The following SVOP variants were observed in gnomAD, a reference collection of about 807,000 sequenced individuals.
SVOP encodes synaptic vesicle 2-related protein.
Under a neutral mutation model 69.1 loss-of-function variants are expected in SVOP, and 17 were observed. That is an observed-to-expected ratio of 0.25 (90% CI 0.17 to 0.37). The LOEUF (loss-of-function observed/expected upper bound fraction) is 0.37, where lower values mean the gene tolerates loss of function less well. Among genes scored for constraint, SVOP ranks in the 10% least tolerant of loss-of-function variants. SVOP has a pLI of 1.00. For missense variants in SVOP, 435 were observed against 597.5 expected (o/e 0.73, Z 2.84); for synonymous variants, 238 against 238.6 (o/e 1.00, Z 0.02).
chr12:109,005,479 A>G (rs917959880), intron 1 of SVOP, among the ~76,000 whole-genome samples: 3 of 152,176 alleles, frequency 2.0e-5, no homozygotes, highest in East Asian at 1.9e-4. Flanking sequence ...CTGGGGTCCA[A>G]TGGAGGATGA....
chr12:108,993,810 T>A (rs2040216513), intron 1 of SVOP, among the ~76,000 whole-genome samples: 1 of 151,436 alleles, frequency 6.6e-6, no homozygotes, highest in Non-Finnish European at 1.5e-5. Flanking sequence ...ACGTGAAGAG[T>A]CCCCTAAGGT....
At chr12:108,922,965 C>G (rs1319784194) in intron 11 of SVOP, among the ~76,000 whole-genome samples, 168 bp from the exon 12 acceptor site, 1 of 152,228 alleles carries the variant, frequency 6.6e-6, no homozygotes. Context: ...CGCAGTGCTC[C>G]AGCTTCATCT....
intron 6 of SVOP, 67 bp downstream of exon 6, chr12:108,960,856 T>C (rs36181716): frequency 0.83 from 1,256,537 of 1,511,568 alleles, 523,908 homozygotes; most frequent in East Asian, 0.96. Flanking sequence ...TAACTCCTGA[T>C]CCAGACCATG....
At chr12:108,938,051 C>T (rs781616015) in intron 9 of SVOP, among the ~76,000 whole-genome samples, 2 of 152,168 alleles carry the variant, frequency 1.3e-5, no homozygotes, top group Non-Finnish European at 2.9e-5. Flanking sequence ...CTGCTCTGCC[C>T]CTGTAGATTT....
intron 6 of SVOP, among the ~76,000 whole-genome samples, chr12:108,946,084 A>G (rs141614522): frequency 0.028 from 4,196 of 152,128 alleles, 82 homozygotes; most frequent in Non-Finnish European, 0.042. Context: ...GATGGTAACA[A>G]ATGGTTGTTT....
Position 108,922,737 on chromosome 12 carries a change from T to C in SVOP, c.1109A>G (p.Glu370Gly). ...CCACAGCAAGTCCATGTAATCCTCC[T>C]CACTCAGGTACTCGCAGGCCAGGCT... is the stretch of plus-strand genomic sequence containing the variant. ...KCSLACEYLS[E>G]EDYMDLLWTT... The change falls in exon 12 of 16, where the codon GAG (glutamate) becomes GGG (glycine). Residue 370 changes from glutamate (E) to glycine (G), a missense_variant. Physicochemically the swap from Glu to Gly is moderately conservative, Grantham distance 98. Coordinates refer to ENST00000610966, the MANE Select transcript of SVOP (RefSeq NM_018711.5). The C allele has an allele frequency of 6.2e-7, 1 of 1,611,804 alleles. No individual in the cohort carries two copies. Among genetic ancestry groups the C allele is most frequent in the Non-Finnish European group, 8.5e-7 (1 of 1,179,222 alleles).
chr12:109,011,470 C>T (rs1423238225), intron 1 of SVOP, among the ~76,000 whole-genome samples: 5 of 152,158 alleles, frequency 3.3e-5, no homozygotes, highest in Admixed American at 3.3e-4. Context: ...TCCTCCCCCT[C>T]CTTTGGCCCC....
intron 1 of SVOP, among the ~76,000 whole-genome samples, chr12:109,007,973 G>T (rs375802382): frequency 6.6e-6 from 1 of 152,078 alleles, no homozygotes; most frequent in Non-Finnish European, 1.5e-5. Context: ...AAGAGGTGAA[G>T]ACTGCAGTGA....
At chr12:108,930,454 T>C (rs2039810348) in intron 11 of SVOP, among the ~76,000 whole-genome samples, 1 of 121,648 alleles carries the variant, frequency 8.2e-6, no homozygotes, top group Non-Finnish European at 1.9e-5. Flanking sequence ...TTTTTTTTTT[T>C]TTAGAGAGAA....
intron 13 of SVOP, among the ~76,000 whole-genome samples, chr12:108,918,720 G>A (rs987854207): frequency 2.6e-5 from 4 of 152,096 alleles, no homozygotes; most frequent in South Asian, 4.1e-4. Flanking sequence ...ATGTTAAAAC[G>A]GGATTACAAA....
chr12:109,019,763 T>C (rs1472301060), intron 1 of SVOP, among the ~76,000 whole-genome samples: 1 of 152,190 alleles, frequency 6.6e-6, no homozygotes, highest in African/African-American at 2.4e-5. Flanking sequence ...TGAAAACTAA[T>C]TTTACTCTGA....
intron 6 of SVOP, among the ~76,000 whole-genome samples, chr12:108,958,303 C>CT (rs755097672): frequency 0.018 from 1,941 of 108,464 alleles, 16 homozygotes; most frequent in African/African-American, 0.024. Flanking sequence ...CATGCCTGGC[C>CT]TTTTTTTTTT....
chr12:108,953,382 G>A (rs146223537), intron 6 of SVOP, among the ~76,000 whole-genome samples: 122,230 of 151,948 alleles, frequency 0.8, 49,692 homozygotes, highest in East Asian at 0.96. Context: ...TCCCGACCTC[G>A]GGTGATCTGC....
intron 1 of SVOP, among the ~76,000 whole-genome samples, chr12:109,015,780 G>A (rs868420715): frequency 1.3e-5 from 2 of 152,230 alleles, no homozygotes; most frequent in South Asian, 2.1e-4. Flanking sequence ...GCAACAGAGC[G>A]AGACTCTGTC....
At position 108,912,523 on chromosome 12, in the gene SVOP, C is replaced by T. The variant is rs1163835880; in HGVS notation, c.*12G>A. ...TGCAGCCTCAAAGACCAGCTCAGTC[C>T]CCCATCGGTCACTATTCCTGAGAGC... On this transcript the variant is annotated 3_prime_UTR_variant, in exon 16 of 16. Coordinates refer to ENST00000610966, the MANE Select transcript of SVOP (RefSeq NM_018711.5). The T allele has an allele frequency of 7.4e-6, 12 of 1,613,776 alleles. No individual in the cohort carries two copies. Among genetic ancestry groups the T allele is most frequent in the Non-Finnish European group, 1.0e-5 (12 of 1,179,700 alleles).
chr12:108,956,532 G>T (rs1399080208), intron 6 of SVOP, among the ~76,000 whole-genome samples: 1 of 152,116 alleles, frequency 6.6e-6, no homozygotes, highest in African/African-American at 2.4e-5. Context: ...CCCCAGGATG[G>T]AACCACTCCA....
At chr12:108,975,760 G>A (rs752417608) in intron 4 of SVOP, among the ~76,000 whole-genome samples, 3 of 152,154 alleles carry the variant, frequency 2.0e-5, no homozygotes, top group Non-Finnish European at 2.9e-5. Flanking sequence ...GGAATGGAGT[G>A]GTGAAATCTC....
chr12:108,925,620 A>G (rs1348832800), intron 11 of SVOP, among the ~76,000 whole-genome samples: 1 of 152,150 alleles, frequency 6.6e-6, no homozygotes, highest in African/African-American at 2.4e-5. Context: ...TTAAGGCCCT[A>G]TATTATCTGG....
At chr12:108,915,694 G>T (rs2039709236) in intron 15 of SVOP, 89 bp downstream of exon 15, 2 of 1,355,038 alleles carry the variant, frequency 1.5e-6, no homozygotes, top group African/African-American at 1.5e-5. Flanking sequence ...CAACCCGAGG[G>T]CTCTGGGGAC....
Sources: gnomAD v4.1 joint callset for allele counts (sites outside exome capture counted in the v4.1 genomes callset) on GRCh38, gnomAD v4.1.1 for gene constraint, MANE v1.5 for transcripts, NCBI Gene and HGNC (gene_info 2026-07-23, HGNC 2026-07-21) for gene names.